The following NEDD4L variants were observed in gnomAD, a reference collection of about 807,000 sequenced individuals.
NEDD4L encodes the protein E3 ubiquitin-protein ligase NEDD4-like.
Under a neutral mutation model 148.9 loss-of-function variants are expected in NEDD4L, and 54 were observed. The ratio of observed to expected loss-of-function variants is 0.36; its 90% confidence interval spans 0.29 to 0.45. NEDD4L has a LOEUF of 0.45. NEDD4L is among the 20% of genes least tolerant of loss of function. NEDD4L has a pLI of 1.00. For synonymous variants in NEDD4L, 433 were observed against 440.7 expected, an observed-to-expected ratio of 0.98 and a Z score of 0.22; for missense variants, 856 against 1,233.8, an observed-to-expected ratio of 0.69 and a Z score of 4.59.
chr18:58,372,200 A>G (rs1226625892), intron 23 of NEDD4L: 2 of 152,188 alleles, frequency 1.3e-5, no homozygotes, highest in East Asian at 1.9e-4. Flanking sequence ...TGCAGCCTCT[A>G]TCCCCTGGCA....
In NEDD4L at chr18:58,343,045, G is replaced by A. The variant is rs1431514902; in HGVS notation, c.1517G>A (p.Arg506Lys). Residue 506 changes from arginine to lysine, a missense_variant, in exon 16 of 31, where the codon AGG becomes AAG. By Grantham distance (26) the Arg-to-Lys change is conservative. Coordinates refer to ENST00000400345, the MANE Select transcript of NEDD4L (RefSeq NM_001144967.3). ...TTCTTGCCACCCGGCTGGGAAATGA[G>A]GATAGCGCCAAACGGCCGGCCCTTC... ...QSFLPPGWEM[R>K]IAPNGRPFFI... 1 of 1,613,272 alleles carries A rather than the reference G, an allele frequency of 6.2e-7. No individual in the cohort carries two copies. The highest frequency in any genetic ancestry group is 8.5e-7 in the Non-Finnish European group (1 of 1,179,560).
In NEDD4L at chr18:58,195,758, C is replaced by A. The variant is rs1316565518; in HGVS notation, c.122+29897C>A. 6 of 1,303,568 alleles carry A rather than the reference C, an allele frequency of 4.6e-6. No homozygotes were observed. In the South Asian group the frequency reaches 5.7e-5, roughly 12 times the overall value. The allele number at this position is 1,303,568 out of a possible 1,614,324, so 80.8% of individuals were successfully genotyped here. A position where few individuals can be genotyped will look rare whatever the true frequency, so the allele number is the denominator to read the frequency against. The stretch of plus-strand genomic sequence containing the variant: ...GGTAAGTGCCACCGAAGGTTCCGTT[C>A]CCTTTATTACTCGATTAGTGCCCAC... On this transcript the variant is annotated intron_variant, in intron 2 of 30. Transcript: ENST00000400345.
intron 1 of NEDD4L, among the ~76,000 whole-genome samples, chr18:58,072,429 A>T (rs2082914967): frequency 6.6e-6 from 1 of 152,204 alleles, no homozygotes; most frequent in Non-Finnish European, 1.5e-5. Context: ...GGTTCACCAT[A>T]CCAAAACCAC....
At chr18:58,096,814 C>G (rs1196525369) in intron 1 of NEDD4L, among the ~76,000 whole-genome samples, 1 of 152,188 alleles carries the variant, frequency 6.6e-6, no homozygotes, top group Admixed American at 6.5e-5. Flanking sequence ...ATTGGAAAAA[C>G]ACAGTTCCAT....
At chr18:58,312,061 A>C (rs149055184) in intron 5 of NEDD4L, among the ~76,000 whole-genome samples, 159 of 152,358 alleles carry the variant, frequency 1.0e-3, no homozygotes, top group African/African-American at 3.7e-3. Flanking sequence ...TCTAAAGGAC[A>C]CAGTGTTTTA....
chr18:58,151,759 A>C (rs2034797999), intron 1 of NEDD4L, among the ~76,000 whole-genome samples: 1 of 151,812 alleles, frequency 6.6e-6, no homozygotes. Flanking sequence ...GTTAGAGAGC[A>C]AGGAGGTAGC....
chr18:58,373,987 T>C (rs975591581), intron 24 of NEDD4L, among the ~76,000 whole-genome samples: 1 of 152,252 alleles, frequency 6.6e-6, no homozygotes, highest in African/African-American at 2.4e-5. Flanking sequence ...TCTCTGACCC[T>C]GGTACCTGTC....
At chr18:58,139,810 T>A (rs2033292032) in intron 1 of NEDD4L, among the ~76,000 whole-genome samples, 1 of 151,878 alleles carries the variant, frequency 6.6e-6, no homozygotes, top group Non-Finnish European at 1.5e-5. Flanking sequence ...TAGAACCCCC[T>A]AAAAGGGGAG....
intron 2 of NEDD4L, among the ~76,000 whole-genome samples, chr18:58,229,937 C>A (rs540555169): frequency 6.6e-6 from 1 of 151,928 alleles, no homozygotes; most frequent in African/African-American, 2.4e-5. Flanking sequence ...TGCAGTGAGC[C>A]GAGATCGTGC....
Position 58,256,289 on chromosome 18 carries a change from CCGG to C in NEDD4L, c.297+4237_297+4239del. On this transcript the variant is annotated intron_variant, in intron 5 of 30. Transcript: ENST00000400345. The surrounding 1 kb of genome is among the most constrained non-coding windows in gnomAD (Gnocchi z 5.2). ...CCTGGGCCCCGATGGCCAGGGCGGC[CCGG>C]CCGCGGCAGAGCCCAGGCGCTGGTC... 8.1e-7 allele frequency: 1 copy of C among 1,231,550 alleles called. No individual in the cohort carries two copies. The highest frequency in any genetic ancestry group is 1.0e-6 in the Non-Finnish European group (1 of 987,764). 76.3% of individuals were successfully genotyped at this position (1,231,550 alleles called of 1,614,324 possible). A position where few individuals can be genotyped will look rare whatever the true frequency, so the allele number is the denominator to read the frequency against.
At chr18:58,285,034 T>G (rs2053686797) in intron 5 of NEDD4L, among the ~76,000 whole-genome samples, 2 of 152,232 alleles carry the variant, frequency 1.3e-5, no homozygotes, top group South Asian at 4.1e-4. Flanking sequence ...CAGCAAGAAC[T>G]GCATGATTTT....
At chr18:58,071,498 G>GAT (rs1368219177) in intron 1 of NEDD4L, among the ~76,000 whole-genome samples, 1 of 152,210 alleles carries the variant, frequency 6.6e-6, no homozygotes, top group Non-Finnish European at 1.5e-5. Context: ...GGTCATTTGA[G>GAT]ATAGTTCAGT....
At chr18:58,295,003 G>A (rs1358665850) in intron 5 of NEDD4L, among the ~76,000 whole-genome samples, 7 of 152,072 alleles carry the variant, frequency 4.6e-5, no homozygotes, top group Non-Finnish European at 1.0e-4. Context: ...TTGAGAGGAA[G>A]GCACAGAAAT....
intron 2 of NEDD4L, among the ~76,000 whole-genome samples, chr18:58,244,294 T>C (rs73961539): frequency 0.012 from 1,840 of 152,268 alleles, 43 homozygotes; most frequent in African/African-American, 0.041. Context: ...AATTTAGAGA[T>C]TGAATACATG....
chr18:58,057,135 C>T (rs2144613686), intron 1 of NEDD4L, among the ~76,000 whole-genome samples: 1 of 152,180 alleles, frequency 6.6e-6, no homozygotes, highest in South Asian at 2.1e-4. Context: ...ATCCATCCAC[C>T]TTCAGAAATG....
chr18:58,148,922 G>C (rs2034390853), intron 1 of NEDD4L, among the ~76,000 whole-genome samples: 1 of 152,210 alleles, frequency 6.6e-6, no homozygotes, highest in Non-Finnish European at 1.5e-5. Context: ...GCTCTAAGCA[G>C]TTGGTAAGAA....
intron 16 of NEDD4L, among the ~76,000 whole-genome samples, chr18:58,347,955 T>G (rs886648333): frequency 1.4e-5 from 2 of 141,758 alleles, no homozygotes; most frequent in Non-Finnish European, 3.1e-5. Flanking sequence ...GCTTATTTGG[T>G]TGATAGTGGT....
chr18:58,222,396 A>G (rs2147953164), intron 2 of NEDD4L, among the ~76,000 whole-genome samples: 1 of 152,372 alleles, frequency 6.6e-6, no homozygotes, highest in South Asian at 2.1e-4. Flanking sequence ...TTTGGCTTAC[A>G]TGATTTAGAC....
intron 2 of NEDD4L, among the ~76,000 whole-genome samples, chr18:58,181,983 G>T (rs2038914698): frequency 6.6e-6 from 1 of 152,002 alleles, no homozygotes; most frequent in Admixed American, 6.6e-5. Flanking sequence ...CTTTGTAGAT[G>T]ACATTGTTTT....
Sources: allele counts gnomAD v4.1 joint callset (sites outside exome capture counted in the v4.1 genomes callset), GRCh38; gene constraint gnomAD v4.1.1; non-coding constraint Gnocchi (gnomAD v3.1); transcripts MANE v1.5; gene names NCBI Gene and HGNC (gene_info 2026-07-23, HGNC 2026-07-21).